The following VAV3 variants were observed in gnomAD, a reference collection of about 807,000 sequenced individuals.
VAV3 encodes guanine nucleotide exchange factor VAV3.
Under a neutral mutation model 131.2 loss-of-function variants are expected in VAV3, and 94 were observed. The ratio of observed to expected loss-of-function variants is 0.72; its 90% CI spans 0.61 to 0.85. The LOEUF is 0.85. Ranked by LOEUF, VAV3 falls within the 40% of genes least tolerant of loss-of-function variation. The probability of loss-of-function intolerance (pLI) is 0.00; values close to 1 mark genes in which losing one functional copy is unlikely to be tolerated. For missense variants in VAV3, 939 were observed against 1,002.7 expected (o/e 0.94, Z 0.86); for synonymous variants, 349 against 342.0 (o/e 1.02, Z -0.22).
intron 24 of VAV3, among the ~76,000 whole-genome samples, chr1:107,601,904 T>TA (rs1651895731): frequency 6.6e-6 from 1 of 152,148 alleles, no homozygotes; most frequent in South Asian, 2.1e-4. Flanking sequence ...TGTTAATGCA[T>TA]AATTATCTAA....
intron 15 of VAV3, among the ~76,000 whole-genome samples, chr1:107,738,740 T>C (rs1044983251): frequency 2.6e-5 from 4 of 152,224 alleles, no homozygotes; most frequent in Non-Finnish European, 4.4e-5. Context: ...TTTAGACTTA[T>C]AGGTTAAAGC....
At chr1:107,945,129 T>G (rs1486112622) in intron 1 of VAV3, among the ~76,000 whole-genome samples, 1 of 152,196 alleles carries the variant, frequency 6.6e-6, no homozygotes, top group Admixed American at 6.5e-5. Context: ...AATGTTATTA[T>G]AGGGCTTGGG....
chr1:107,807,179 T>C (rs186839802), intron 2 of VAV3, among the ~76,000 whole-genome samples: 2 of 152,246 alleles, frequency 1.3e-5, no homozygotes, highest in Admixed American at 1.3e-4. Flanking sequence ...CAAATCAGGG[T>C]ACTTCTCTAA....
intron 25 of VAV3, among the ~76,000 whole-genome samples, chr1:107,575,840 G>A (rs961414378): frequency 6.6e-6 from 1 of 152,082 alleles, no homozygotes; most frequent in Admixed American, 6.5e-5. Flanking sequence ...TTTATCTAAT[G>A]TATACCCTAA....
intron 1 of VAV3, among the ~76,000 whole-genome samples, chr1:107,882,211 A>C (rs1670816807): frequency 6.6e-6 from 1 of 152,208 alleles, no homozygotes; most frequent in African/African-American, 2.4e-5. Flanking sequence ...ATAGACCTTC[A>C]CACAATGTAG....
chr1:107,918,691 ATATATATATATATATT>A (rs1672738524), intron 1 of VAV3, among the ~76,000 whole-genome samples: 1 of 78,104 alleles, frequency 1.3e-5, no homozygotes, highest in Non-Finnish European at 3.2e-5. Flanking sequence ...TAAGGCATAT[ATATATATATATATATT>A]TTTTTTTTTT....
At chr1:107,799,031 G>A (rs568932759) in intron 2 of VAV3, among the ~76,000 whole-genome samples, 1 of 152,092 alleles carries the variant, frequency 6.6e-6, no homozygotes, top group South Asian at 2.1e-4. Flanking sequence ...AGTGATGAAA[G>A]CACAGCTTAT....
intron 15 of VAV3, among the ~76,000 whole-genome samples, chr1:107,713,074 C>G (rs932629964): frequency 6.6e-6 from 1 of 152,092 alleles, no homozygotes; most frequent in Non-Finnish European, 1.5e-5. Context: ...TAGATAAAGA[C>G]TTATACTATC....
chr1:107,688,855 C>T (rs1412828770), intron 17 of VAV3, among the ~76,000 whole-genome samples: 3 of 152,128 alleles, frequency 2.0e-5, no homozygotes, highest in Non-Finnish European at 4.4e-5. Flanking sequence ...TACAACATTT[C>T]GTGTGAATTG....
rs1166107588 is a variant in VAV3 at position 107,965,030 on chromosome 1, G to A, written c.-161C>T. 20 of 437,050 alleles carry A rather than the reference G, an allele frequency of 4.6e-5. No homozygotes were observed. The East Asian group carries it at 2.0e-3, about 43-fold the overall frequency. 27.1% of individuals were successfully genotyped at this position (437,050 alleles called of 1,614,324 possible). A position where few individuals can be genotyped will look rare whatever the true frequency, so the allele number is the denominator to read the frequency against. On this transcript the variant is annotated 5_prime_UTR_variant, in exon 1 of 27. Transcript: ENST00000370056. ...AGGAGCCGCGGCTGACGGGTCGCGG[G>A]CGCCGCGCTAGGCTCGGCTCCGGTC...
chr1:107,893,082 C>G (rs1039773273), intron 1 of VAV3, among the ~76,000 whole-genome samples: 4 of 152,196 alleles, frequency 2.6e-5, no homozygotes, highest in Non-Finnish European at 5.9e-5. Context: ...GGTCAAGTTG[C>G]TAAAGCTCCA....
intron 1 of VAV3, among the ~76,000 whole-genome samples, chr1:107,960,436 A>G (rs1387760805): frequency 6.6e-6 from 1 of 151,956 alleles, no homozygotes; most frequent in Non-Finnish European, 1.5e-5. Context: ...ACTGCACGCC[A>G]ACTTGGGCTA....
chr1:107,590,564 C>T (rs763867908), intron 25 of VAV3, among the ~76,000 whole-genome samples: 2 of 152,342 alleles, frequency 1.3e-5, no homozygotes, highest in East Asian at 1.9e-4. Flanking sequence ...TCAGTGCCAG[C>T]TGCATCCTGA....
intron 1 of VAV3, among the ~76,000 whole-genome samples, chr1:107,923,857 C>T (rs571211371): frequency 8.6e-4 from 131 of 152,282 alleles, no homozygotes; most frequent in African/African-American, 3.0e-3. Flanking sequence ...GACTCATTTG[C>T]CCTTCCATCT....
chr1:107,796,287 G>A (rs919041984), intron 2 of VAV3, among the ~76,000 whole-genome samples: 2 of 152,074 alleles, frequency 1.3e-5, no homozygotes, highest in African/African-American at 2.4e-5. Context: ...GAGTGGCATG[G>A]GTTATTTGGA....
At chr1:107,643,670 C>T (rs1655519800) in intron 19 of VAV3, among the ~76,000 whole-genome samples, 1 of 152,116 alleles carries the variant, frequency 6.6e-6, no homozygotes, top group Non-Finnish European at 1.5e-5. Context: ...GCTGAAAATG[C>T]TGCACTAAAC....
chr1:107,890,296 A>G (rs1212026309), intron 1 of VAV3, among the ~76,000 whole-genome samples: 3 of 152,200 alleles, frequency 2.0e-5, no homozygotes, highest in Non-Finnish European at 4.4e-5. Context: ...CTTAATAAAT[A>G]CCACTACTTC....
At chr1:107,936,457 G>A (rs1238843541) in intron 1 of VAV3, among the ~76,000 whole-genome samples, 3 of 152,160 alleles carry the variant, frequency 2.0e-5, no homozygotes, top group Non-Finnish European at 4.4e-5. Flanking sequence ...TAACAGATTT[G>A]TCTTACCGAG....
At chr1:107,859,797 C>T (rs575078473) in intron 2 of VAV3, among the ~76,000 whole-genome samples, 13 of 152,124 alleles carry the variant, frequency 8.5e-5, no homozygotes, top group East Asian at 3.9e-4. Context: ...ACATGACAAC[C>T]AAAAGTAATG....
Sources: allele counts gnomAD v4.1 joint callset (sites outside exome capture counted in the v4.1 genomes callset), GRCh38; gene constraint gnomAD v4.1.1; transcripts MANE v1.5; gene names NCBI Gene and HGNC (gene_info 2026-07-23, HGNC 2026-07-21).